AFG2A: variants seen among roughly 807,000 people sequenced by gnomAD.
AFG2A encodes AAA ATPase AFG2A.
At chr4:123,086,084 A>G in the AFG2A span, among the ~76,000 whole-genome samples, 1 of 152,122 alleles carries the variant, frequency 6.6e-6, no homozygotes, top group African/African-American at 2.4e-5. Flanking sequence ...AGCTTTTGTT[A>G]GATCAGTTAA....
chr4:123,035,533 A>G, the AFG2A span, among the ~76,000 whole-genome samples: 3 of 152,150 alleles, frequency 2.0e-5, no homozygotes, highest in African/African-American at 7.2e-5. Context: ...GTAACCTGTT[A>G]TTCTTGGGAC....
the AFG2A span, among the ~76,000 whole-genome samples, chr4:123,030,105 T>G: frequency 6.6e-6 from 1 of 152,226 alleles, no homozygotes; most frequent in Non-Finnish European, 1.5e-5. Context: ...TGTTCTTACC[T>G]TGTATATTCT....
the AFG2A span, among the ~76,000 whole-genome samples, chr4:123,059,616 G>C: frequency 6.6e-6 from 1 of 151,162 alleles, no homozygotes; most frequent in Non-Finnish European, 1.5e-5. Flanking sequence ...ATAAACATAC[G>C]TGTGCATGTG....
chr4:123,215,469 T>G, the AFG2A span, among the ~76,000 whole-genome samples: 29 of 152,218 alleles, frequency 1.9e-4, no homozygotes, highest in Middle Eastern at 3.4e-3. Flanking sequence ...GATGTCATGG[T>G]CCAGTCCCTC....
chr4:123,067,227 A>G, the AFG2A span, among the ~76,000 whole-genome samples: 2 of 152,094 alleles, frequency 1.3e-5, no homozygotes, highest in East Asian at 1.9e-4. Flanking sequence ...GTGAGATTTT[A>G]AGAAAATGAG....
chr4:123,158,633 T>C, the AFG2A span, among the ~76,000 whole-genome samples: 1 of 152,262 alleles, frequency 6.6e-6, no homozygotes, highest in Non-Finnish European at 1.5e-5. Context: ...ATAGGCAGTA[T>C]ATAAACATAC....
At chr4:123,169,041 G>A in the AFG2A span, among the ~76,000 whole-genome samples, 2 of 152,308 alleles carry the variant, frequency 1.3e-5, no homozygotes, top group East Asian at 3.9e-4. Flanking sequence ...GATGCGAATA[G>A]AAACTGTCGT....
At chr4:122,990,040 A>AT in the AFG2A span, among the ~76,000 whole-genome samples, 23 of 151,788 alleles carry the variant, frequency 1.5e-4, no homozygotes, top group Admixed American at 1.4e-3. Flanking sequence ...GTTTTACTTT[A>AT]TTTTTTGTAG....
At chr4:123,086,389 G>A in the AFG2A span, among the ~76,000 whole-genome samples, 33 of 152,156 alleles carry the variant, frequency 2.2e-4, no homozygotes, top group Non-Finnish European at 4.0e-4. Flanking sequence ...AGAAGTTAAC[G>A]TAATTCTTGC....
At chr4:122,984,799 C>T in the AFG2A span, among the ~76,000 whole-genome samples, 2 of 152,158 alleles carry the variant, frequency 1.3e-5, no homozygotes, top group Non-Finnish European at 2.9e-5. Context: ...TGGTATGAAA[C>T]CCACTTGATC....
the AFG2A span, among the ~76,000 whole-genome samples, chr4:123,311,375 C>T: frequency 8.5e-5 from 13 of 152,182 alleles, no homozygotes; most frequent in Admixed American, 5.2e-4. Context: ...CACCTGTAAT[C>T]CCAGGACTTT....
chr4:123,208,804 C>T, the AFG2A span, among the ~76,000 whole-genome samples: 1 of 152,188 alleles, frequency 6.6e-6, no homozygotes, highest in Non-Finnish European at 1.5e-5. Context: ...TTATTCTCCT[C>T]TATAATATAG....
At chr4:123,216,650 G>A in the AFG2A span, among the ~76,000 whole-genome samples, 3 of 143,134 alleles carry the variant, frequency 2.1e-5, no homozygotes, top group Admixed American at 7.5e-5. Context: ...GAGCCATCAC[G>A]TTTATTATTT....
chr4:122,961,381 C>T, the AFG2A span, among the ~76,000 whole-genome samples: 1 of 152,204 alleles, frequency 6.6e-6, no homozygotes, highest in African/African-American at 2.4e-5. Flanking sequence ...ATAGGGAACT[C>T]TGGCAGAATC....
At chr4:123,295,497 A>G in the AFG2A span, among the ~76,000 whole-genome samples, 1 of 152,262 alleles carries the variant, frequency 6.6e-6, no homozygotes, top group African/African-American at 2.4e-5. Context: ...CTATGCTCCT[A>G]TAAAAGGAAT....
At chr4:123,018,332 G>A in the AFG2A span, among the ~76,000 whole-genome samples, 1 of 152,130 alleles carries the variant, frequency 6.6e-6, no homozygotes, top group Admixed American at 6.5e-5. Flanking sequence ...AATGATTTAG[G>A]TTATATTGTA....
the AFG2A span, among the ~76,000 whole-genome samples, chr4:123,096,050 A>G: frequency 6.6e-6 from 1 of 152,150 alleles, no homozygotes; most frequent in Non-Finnish European, 1.5e-5. Flanking sequence ...AGTGAGACAC[A>G]TAGCTCAAGA....
At chr4:123,317,266 G>A in the AFG2A span, 14 of 149,580 alleles carry the variant, frequency 9.4e-5, no homozygotes, top group African/African-American at 2.9e-4. Context: ...CTGACTATGA[G>A]CTTACCTGCC....
chr4:123,155,630 AC>A, the AFG2A span, among the ~76,000 whole-genome samples: 2 of 120,824 alleles, frequency 1.7e-5, no homozygotes, highest in Non-Finnish European at 4.0e-5. Flanking sequence ...TAAAAAAATA[AC>A]TATCTGTAGC....
Sources: gnomAD v4.1 joint callset for allele counts (sites outside exome capture counted in the v4.1 genomes callset) on GRCh38, gnomAD v4.1.1 for gene constraint, MANE v1.5 for transcripts, NCBI Gene and HGNC (gene_info 2026-07-23, HGNC 2026-07-21) for gene names.